Variants in REXO1 observed in about 807,000 individuals in gnomAD.
The protein encoded by REXO1 is RNA exonuclease 1 homolog, also known as REX1, RNA exonuclease 1 homolog.
A neutral mutation model predicts 102.6 loss-of-function variants in REXO1; 42 were observed. The ratio of observed to expected loss-of-function variants is 0.41; its 90% CI spans 0.32 to 0.53. REXO1 has a LOEUF of 0.53. REXO1 is among the 20% of genes least tolerant of loss of function. REXO1 has a pLI of 0.27. For synonymous variants in REXO1, 908 were observed against 779.1 expected (o/e 1.17, Z -2.76); for missense variants, 1,819 against 1,732.5 (o/e 1.05, Z -0.89).
At chr19:1,846,673 G>A (rs1410146800) in intron 1 of REXO1, among the ~76,000 whole-genome samples, 4 of 152,136 alleles carry the variant, frequency 2.6e-5, no homozygotes, top group East Asian at 1.9e-4. Flanking sequence ...AGGTCGGCTC[G>A]AGGCCAGGAG....
In REXO1 at chr19:1,848,382, G is replaced by A; in HGVS notation, c.-24C>T. 3 of 1,199,484 alleles carry A rather than the reference G, an allele frequency of 2.5e-6. No homozygotes were observed. Among genetic ancestry groups the A allele is most frequent in the Admixed American group, 4.5e-5 (1 of 22,226 alleles). The allele number at this position is 1,199,484 out of a possible 1,614,324, so 74.3% of individuals were successfully genotyped here. ...ATGGTCCGTCCCGCGGCGGGGCCCCGGCCCGGAGCCGCCCGGGCCCCAGGG... is the reference window on the plus strand; with the variant it reads ...ATGGTCCGTCCCGCGGCGGGGCCCCAGCCCGGAGCCGCCCGGGCCCCAGGG... On this transcript the variant is annotated 5_prime_UTR_variant, in exon 1 of 16. Transcript: ENST00000170168.
In REXO1 at chr19:1,823,552, C is replaced by T. The variant is rs1335962645; in HGVS notation, c.2230+20G>A. 4.7e-6 allele frequency: 6 copies of T among 1,290,026 alleles called. No homozygotes were observed. The East Asian group carries it at 1.2e-4, about 27-fold the overall frequency. 79.9% of individuals were successfully genotyped at this position (1,290,026 alleles called of 1,614,324 possible). The stretch of plus-strand genomic sequence containing the variant: ...CATGCCCACGGCCCCCCGGCACAGG[C>T]CCCCTGGGCCAGGACTCACCTGCAG... On this transcript the variant is annotated intron_variant, in intron 4 of 15. Transcript: ENST00000170168.
chr19:1,817,302 G>T lies in REXO1; in HGVS notation c.3118C>A (p.Arg1040Ser). The change falls in exon 12 of 16, where the codon CGC becomes AGC. Residue 1040 changes from arginine to serine, a missense_variant. Arg to Ser is a moderately radical substitution (Grantham distance 110). Coordinates refer to ENST00000170168, the MANE Select transcript of REXO1 (RefSeq NM_020695.4). ...AAGGTCTTCACGAAGCCCTCAAGGC[G>T]CTCCTTCCGGCCATCCTGCACGTGT... The part of the protein sequence containing the change: ...KQHVQDGRKE[R>S]LEGFVKTFEK... The T allele has an allele frequency of 6.2e-7, 1 of 1,612,822 alleles. No individual in the cohort carries two copies. The highest frequency in any genetic ancestry group is 8.5e-7 in the Non-Finnish European group (1 of 1,180,002).
In REXO1 at chr19:1,818,728, A is replaced by G. The variant is rs549847142; in HGVS notation, c.2880T>C (p.Ala960=). 1 of 1,611,104 alleles carries G rather than the reference A, an allele frequency of 6.2e-7. No homozygotes were observed. Among genetic ancestry groups the G allele is most frequent in the Admixed American group, 1.7e-5 (1 of 59,998 alleles). The change falls in exon 9 of 16, where the codon GCT becomes GCC. Residue 960 remains alanine (A), a synonymous_variant. Transcript: ENST00000170168. ...ERPGGAIIFT[A]EEKRPKDSSC... is the part of the protein sequence containing the mutation. The stretch of plus-strand genomic sequence containing the variant: ...CACAGTCCTTGGGCCTCTTCTCCTC[A>G]GCTGTGAAGATGATTGCGCCCCCGG...
intron 11 of REXO1, 180 bp downstream of exon 11, chr19:1,817,527 T>C: frequency 6.8e-7 from 1 of 1,463,262 alleles, no homozygotes; most frequent in Non-Finnish European, 9.1e-7. Context: ...GGATGGGAAG[T>C]GGCCAGGGAC....
intron 1 of REXO1, among the ~76,000 whole-genome samples, chr19:1,839,618 C>A (rs1318371454): frequency 5.9e-5 from 9 of 152,228 alleles, no homozygotes; most frequent in Admixed American, 5.9e-4. Context: ...TGTGGGCCGA[C>A]CCCGGCCCCA....
Position 1,848,467 on chromosome 19 carries a change from CTT to C in REXO1, c.-111_-110del. ...GCCTCACGGACCCCGCCGCCGCCAT[CTT>C]GCTCCGAGGCCCCCGGAGGCCCTCG... is the stretch of plus-strand genomic sequence containing the variant. On this transcript the variant is annotated 5_prime_UTR_variant, in exon 1 of 16. Coordinates refer to ENST00000170168, the MANE Select transcript of REXO1 (RefSeq NM_020695.4). 3 of 874,806 alleles carry C rather than the reference CTT, an allele frequency of 3.4e-6. No homozygotes were observed. Among genetic ancestry groups the C allele is most frequent in the Non-Finnish European group, 2.8e-6 (2 of 712,436 alleles). The allele number at this position is 874,806 out of a possible 1,614,324, so 54.2% of individuals were successfully genotyped here. A position where few individuals can be genotyped will look rare whatever the true frequency, so the allele number is the denominator to read the frequency against.
rs373209033 is a variant in REXO1 at position 1,821,706 on chromosome 19, G to A, written c.2231-24C>T. ...GGCTGGCGGGGCACAGGGGGTGTGG[G>A]CACAGGGCGAGTGGCTGCCCATCAC... is the stretch of plus-strand genomic sequence containing the variant. On this transcript the variant is annotated intron_variant, in intron 4 of 15. Coordinates refer to ENST00000170168, the MANE Select transcript of REXO1 (RefSeq NM_020695.4). 21 of 1,597,538 alleles carry A rather than the reference G, an allele frequency of 1.3e-5. No homozygotes were observed. In the African/African-American group the frequency reaches 2.8e-4, roughly 21 times the overall value.
intron 1 of REXO1, among the ~76,000 whole-genome samples, chr19:1,843,384 G>C (rs1218709629): frequency 6.6e-6 from 1 of 152,264 alleles, no homozygotes; most frequent in Admixed American, 6.5e-5. Flanking sequence ...TCGCCGGCGA[G>C]GGCTGAAAAA....
At chr19:1,830,827 C>T (rs1420166950) in intron 1 of REXO1, 1 of 170,988 alleles carries the variant, frequency 5.8e-6, no homozygotes. Context: ...CACAGACAGA[C>T]CGCACAGGGC....
rs746607776 is a variant in REXO1 at position 1,827,165 on chromosome 19, C to A, written c.1624G>T (p.Ala542Ser). 6.5e-7 allele frequency: 1 copy of A among 1,541,470 alleles called. No homozygotes were observed. Among genetic ancestry groups the A allele is most frequent in the South Asian group, 1.2e-5 (1 of 84,038 alleles). Residue 542 changes from alanine (A) to serine (S), a missense_variant, in exon 2 of 16, where the codon GCC becomes TCC. Ala to Ser is a moderately conservative substitution (Grantham distance 99, BLOSUM62 1). Coordinates refer to ENST00000170168, the MANE Select transcript of REXO1 (RefSeq NM_020695.4). Reference sequence around the variant, plus strand: ...GAGTCCGAGCTGAGGCTGGGGAGGGCAGAGGGCCACACGCTCGGCACCCCT... The same window carrying A: ...GAGTCCGAGCTGAGGCTGGGGAGGGAAGAGGGCCACACGCTCGGCACCCCT... ...GPGVPSVWPS[A>S]LPSLSSDSDS...
chr19:1,847,431 G>T (rs573074813), intron 1 of REXO1, among the ~76,000 whole-genome samples: 2 of 152,052 alleles, frequency 1.3e-5, no homozygotes, highest in African/African-American at 4.8e-5. Context: ...CACTATCAAG[G>T]GACAGAGGTA....
intron 5 of REXO1, 108 bp downstream of exon 5, chr19:1,821,411 G>A (rs545541770): frequency 1.1e-5 from 14 of 1,319,378 alleles, no homozygotes; most frequent in East Asian, 7.0e-5. Flanking sequence ...TGTGGAGCAC[G>A]AAGGCCCGCA....
In REXO1 at chr19:1,833,813, C is replaced by A. The variant is rs13382064; in HGVS notation, c.158-5182G>T. 7.3e-3 allele frequency among the ~76,000 whole-genome samples: 1,119 copies of A among 152,354 alleles called. 17 individuals carry two copies. Among genetic ancestry groups the A allele is most frequent in the African/African-American group, 0.025 (1,042 of 41,576 alleles). On this transcript the variant is annotated intron_variant, in intron 1 of 15. Transcript: ENST00000170168. The stretch of plus-strand genomic sequence containing the variant: ...TGCCCAGTGACGTGGAGGGGCCAGG[C>A]CAAGGCCACTGTGGCGTGAGCTGCA...
intron 1 of REXO1, chr19:1,835,056 G>C (rs571181488): frequency 2.9e-6 from 1 of 349,390 alleles, no homozygotes; most frequent in Non-Finnish European, 6.2e-6. Context: ...CTGCAGCTCA[G>C]AACAGGGGGT....
intron 1 of REXO1, among the ~76,000 whole-genome samples, chr19:1,844,720 T>A (rs2011457459): frequency 6.6e-6 from 1 of 152,142 alleles, no homozygotes; most frequent in African/African-American, 2.4e-5. Flanking sequence ...GACTGCGGGA[T>A]CCCCGAGGGC....
chr19:1,834,947 G>A, intron 1 of REXO1: 1 of 436,772 alleles, frequency 2.3e-6, no homozygotes, highest in Non-Finnish European at 4.6e-6. Context: ...CCTGCAGCCT[G>A]TGACCCACTG....
chr19:1,839,124 C>T (rs1276602404), intron 1 of REXO1, among the ~76,000 whole-genome samples: 4 of 152,020 alleles, frequency 2.6e-5, no homozygotes, highest in Non-Finnish European at 5.9e-5. Context: ...GGCGTGGCGG[C>T]GTGCTCCTGT....
chr19:1,827,169 G>A lies in REXO1; in HGVS notation c.1620C>T (p.Pro540=), dbSNP rs548266351. ...AAGPGVPSVW[P]SALPSLSSDS... Reference sequence around the variant, plus strand: ...CCGAGCTGAGGCTGGGGAGGGCAGAGGGCCACACGCTCGGCACCCCTGGCC... The same window carrying A: ...CCGAGCTGAGGCTGGGGAGGGCAGAAGGCCACACGCTCGGCACCCCTGGCC... The change falls in exon 2 of 16, where the codon CCC becomes CCT. Residue 540 remains proline, a synonymous_variant. Transcript: ENST00000170168. 5 of 1,541,510 alleles carry A rather than the reference G, an allele frequency of 3.2e-6. No homozygotes were observed. In the South Asian group the frequency reaches 3.6e-5, roughly 11 times the overall value.
Sources: gnomAD v4.1 joint callset for allele counts (sites outside exome capture counted in the v4.1 genomes callset) on GRCh38, gnomAD v4.1.1 for gene constraint, MANE v1.5 for transcripts, NCBI Gene and HGNC (gene_info 2026-07-23, HGNC 2026-07-21) for gene names.